Variants in SULT1C2 observed in about 807,000 individuals in gnomAD.
SULT1C2 encodes sulfotransferase 1C2.
A neutral mutation model predicts 36.0 loss-of-function variants in SULT1C2; 27 were observed. The ratio of observed to expected loss-of-function variants is 0.75; its 90% CI spans 0.55 to 1.03. The LOEUF (loss-of-function observed/expected upper bound fraction) is 1.03. Among genes scored for constraint, SULT1C2 ranks in the 50% least tolerant of loss-of-function variants. SULT1C2 has a pLI of 0.00. For synonymous variants in SULT1C2, 121 were observed against 116.0 expected, an observed-to-expected ratio of 1.04 and a Z score of -0.27; for missense variants, 395 against 359.2, an observed-to-expected ratio of 1.10 and a Z score of -0.80.
intron 1 of SULT1C2, among the ~76,000 whole-genome samples, chr2:108,291,160 G>A (rs1374202229): frequency 6.6e-6 from 1 of 152,154 alleles, no homozygotes; most frequent in South Asian, 2.1e-4. Flanking sequence ...GTTGGCTGAG[G>A]TTCATTCTCA....
At chr2:108,301,921 T>C (rs926910671) in intron 4 of SULT1C2, 8 of 152,156 alleles carry the variant, frequency 5.3e-5, no homozygotes, top group Non-Finnish European at 1.2e-4. Flanking sequence ...TGGAGTGAAG[T>C]TGGAGGACTC....
chr2:108,301,051 C>T (rs1158473510), intron 4 of SULT1C2, 116 bp downstream of exon 4: 9 of 1,301,272 alleles, frequency 6.9e-6, no homozygotes, highest in Non-Finnish European at 9.6e-6. Flanking sequence ...GTCTCTGATG[C>T]TTACCAGCAA....
chr2:108,296,363 G>A (rs906979326), intron 3 of SULT1C2, among the ~76,000 whole-genome samples: 4 of 152,104 alleles, frequency 2.6e-5, no homozygotes, highest in Non-Finnish European at 5.9e-5. Flanking sequence ...GGTGCCCTGT[G>A]TGAGAATAAC....
intron 4 of SULT1C2, chr2:108,301,735 G>C (rs1026085587): frequency 2.0e-5 from 3 of 152,214 alleles, no homozygotes; most frequent in Non-Finnish European, 4.4e-5. Context: ...TAAGTTCCTG[G>C]CACATAGAGG....
At chr2:108,294,135 A>T in intron 2 of SULT1C2, 94 bp from the exon 3 acceptor site, 1 of 1,556,332 alleles carries the variant, frequency 6.4e-7, no homozygotes, top group Non-Finnish European at 8.7e-7. Context: ...TGATGCAAAC[A>T]CCAAGGCTCT....
chr2:108,300,165 T>A (rs1676835562), intron 3 of SULT1C2: 1 of 152,164 alleles, frequency 6.6e-6, no homozygotes, highest in African/African-American at 2.4e-5. Context: ...GATCACGAGG[T>A]CACCAGATCG....
intron 5 of SULT1C2, 49 bp from the exon 6 acceptor site, chr2:108,305,123 T>C: frequency 6.2e-7 from 1 of 1,604,258 alleles, no homozygotes; most frequent in Non-Finnish European, 8.5e-7. Context: ...ACTCAGAAGG[T>C]TTTGTGTGAT....
chr2:108,302,059 A>AT (rs1558680214), intron 4 of SULT1C2: 1 of 152,230 alleles, frequency 6.6e-6, no homozygotes, highest in African/African-American at 2.4e-5. Context: ...GGATTACTGC[A>AT]TAAAAAAATC....
At position 108,305,282 on chromosome 2, in the gene SULT1C2, G is replaced by A; in HGVS notation, c.597+16G>A. On this transcript the variant is annotated intron_variant, in intron 6 of 7. Transcript: ENST00000251481. ...CATAAAGAGGGTGAGTGAAGGCTCT[G>A]CAGAAGAACCATTTTAAAGTGGTTC... 2 of 1,613,914 alleles carry A rather than the reference G, an allele frequency of 1.2e-6. No individual in the cohort carries two copies. The highest frequency in any genetic ancestry group is 1.7e-6 in the Non-Finnish European group (2 of 1,179,898).
chr2:108,292,944 C>T (rs1255567276), intron 1 of SULT1C2, among the ~76,000 whole-genome samples: 2 of 152,064 alleles, frequency 1.3e-5, no homozygotes, highest in Admixed American at 6.5e-5. Context: ...TTTGGGAAGC[C>T]AAGGTGGGTG....
intron 3 of SULT1C2, among the ~76,000 whole-genome samples, chr2:108,297,885 GC>G (rs1676776443): frequency 6.6e-6 from 1 of 152,174 alleles, no homozygotes; most frequent in South Asian, 2.1e-4. Context: ...GTAGGAGTGG[GC>G]CTTCTTATTT....
intron 4 of SULT1C2, 78 bp downstream of exon 4, chr2:108,301,013 C>A: frequency 1.3e-6 from 2 of 1,557,364 alleles, no homozygotes; most frequent in Non-Finnish European, 1.7e-6. Flanking sequence ...CAACGCAGAG[C>A]ATTCGTGATC....
chr2:108,294,682 T>C (rs1001740457), intron 3 of SULT1C2, among the ~76,000 whole-genome samples: 1 of 152,126 alleles, frequency 6.6e-6, no homozygotes. Context: ...TGTGAAAAAC[T>C]GTAAGCCATT....
Position 108,300,927 on chromosome 2 carries a change from A to T in SULT1C2, c.367A>T (p.Asn123Tyr). The T allele has an allele frequency of 6.2e-7, 1 of 1,614,176 alleles. No individual in the cohort carries two copies. The change falls in exon 4 of 8, where the codon AAC (asparagine) becomes TAC (tyrosine). Residue 123 changes from asparagine to tyrosine, a missense_variant. By Grantham distance (143) the Asn-to-Tyr change is moderately radical. Transcript: ENST00000251481. ...QLLPPSFWENNCKFLYVARNA... is the reference protein window; with the variant it reads ...QLLPPSFWENYCKFLYVARNA... Reference sequence around the variant, plus strand: ...GCTGCCACCGTCTTTCTGGGAAAACAACTGCAAGGTAAGATACCAACAGCT... The same window carrying T: ...GCTGCCACCGTCTTTCTGGGAAAACTACTGCAAGGTAAGATACCAACAGCT...
chr2:108,306,117 A>C (rs1416546426), intron 7 of SULT1C2, among the ~76,000 whole-genome samples: 2 of 152,188 alleles, frequency 1.3e-5, no homozygotes, highest in Admixed American at 6.5e-5. Context: ...GTTTCTGCTC[A>C]TAACTTGGTC....
At chr2:108,291,679 G>A (rs1173314439) in intron 1 of SULT1C2, among the ~76,000 whole-genome samples, 1 of 152,114 alleles carries the variant, frequency 6.6e-6, no homozygotes, top group Non-Finnish European at 1.5e-5. Context: ...TGCGATCCTG[G>A]GCAAGTTATT....
In SULT1C2 at chr2:108,300,938, A is replaced by T; in HGVS notation, c.375+3A>T. 2.5e-6 allele frequency: 4 copies of T among 1,614,142 alleles called. No individual in the cohort carries two copies. The highest frequency in any genetic ancestry group is 3.4e-6 in the Non-Finnish European group (4 of 1,179,990). ...CTTTCTGGGAAAACAACTGCAAGGT[A>T]AGATACCAACAGCTCCCTGTGACAG... On this transcript the variant is annotated splice_donor_region_variant and intron_variant, in intron 4 of 7. Coordinates refer to ENST00000251481, the MANE Select transcript of SULT1C2 (RefSeq NM_001056.4).
chr2:108,299,123 A>G (rs1676811545), intron 3 of SULT1C2: 1 of 152,346 alleles, frequency 6.6e-6, no homozygotes, highest in Non-Finnish European at 1.5e-5. Context: ...CTCTGTTCCT[A>G]ATCTGTGCCT....
At chr2:108,298,716 C>T (rs902350431) in intron 3 of SULT1C2, 1 of 352,736 alleles carries the variant, frequency 2.8e-6, no homozygotes, top group Admixed American at 4.2e-5. Context: ...TATTTATATT[C>T]TCTATTAGGT....
Sources: gnomAD v4.1 joint callset for allele counts (sites outside exome capture counted in the v4.1 genomes callset) on GRCh38, gnomAD v4.1.1 for gene constraint, MANE v1.5 for transcripts, NCBI Gene and HGNC (gene_info 2026-07-23, HGNC 2026-07-21) for gene names.